Variants in SPATA13 observed in about 807,000 individuals in gnomAD.
SPATA13 encodes the protein spermatogenesis-associated protein 13.
SPATA13 carries 50 observed loss-of-function variants against 104.0 expected under a neutral mutation model. The observed-to-expected ratio is 0.48, with a 90% confidence interval of 0.38 to 0.61. SPATA13 has a LOEUF of 0.61. Among genes scored for constraint, SPATA13 ranks in the 20% least tolerant of loss-of-function variants. The probability of loss-of-function intolerance (pLI) is 0.00; values close to 1 mark genes in which losing one functional copy is unlikely to be tolerated. For synonymous variants in SPATA13, 606 were observed against 667.5 expected (o/e 0.91, Z 1.42); for missense variants, 1,524 against 1,690.6 (o/e 0.90, Z 1.73).
At chr13:23,986,223 T>A (rs1354802766) in intron 2 of SPATA13, among the ~76,000 whole-genome samples, 1 of 152,214 alleles carries the variant, frequency 6.6e-6, no homozygotes. Flanking sequence ...AAGGAAACTA[T>A]ATGCCAAATT....
At chr13:24,255,844 G>A (rs1873764712) in intron 4 of SPATA13, among the ~76,000 whole-genome samples, 1 of 152,192 alleles carries the variant, frequency 6.6e-6, no homozygotes, top group Non-Finnish European at 1.5e-5. Context: ...ATTGAGCTCA[G>A]CAAACCAGCT....
At chr13:24,060,213 T>C (rs563113552) in intron 3 of SPATA13, among the ~76,000 whole-genome samples, 1 of 152,264 alleles carries the variant, frequency 6.6e-6, no homozygotes, top group South Asian at 2.1e-4. Context: ...CAAAACAGCA[T>C]GGTACTGGTA....
At chr13:24,233,668 A>G (rs1872402827) in intron 2 of SPATA13, among the ~76,000 whole-genome samples, 1 of 152,198 alleles carries the variant, frequency 6.6e-6, no homozygotes, top group African/African-American at 2.4e-5. Context: ...GTTTATGCTC[A>G]TTATTACCTA....
At chr13:24,068,069 A>G (rs1566091555) in intron 3 of SPATA13, among the ~76,000 whole-genome samples, 2 of 152,172 alleles carry the variant, frequency 1.3e-5, no homozygotes, top group Non-Finnish European at 2.9e-5. Flanking sequence ...GTAAACTTGT[A>G]TCATGGGGGT....
rs186740262 is a variant in SPATA13, at chr13:24,110,895, G to A, written c.-112+93194G>A. 2.0e-4 allele frequency among the ~76,000 whole-genome samples: 30 copies of A among 152,222 alleles called. 1 individual carries two copies. The East Asian group carries it at 5.4e-3, about 27-fold the overall frequency. On this transcript the variant is annotated intron_variant, in intron 3 of 14. Transcript: ENST00000424834. Reference sequence around the variant, plus strand: ...TGAAATATGTTTGCACCATCTCTGCGCATAGCATATTCTTGATTATCTCTT... The same window carrying A: ...TGAAATATGTTTGCACCATCTCTGCACATAGCATATTCTTGATTATCTCTT...
At chr13:24,278,027 G>C (rs1875146122) in intron 4 of SPATA13, among the ~76,000 whole-genome samples, 1 of 152,204 alleles carries the variant, frequency 6.6e-6, no homozygotes, top group Admixed American at 6.5e-5. Flanking sequence ...GATACAACCA[G>C]AAAATGGAAT....
At chr13:24,052,377 A>AAAC (rs142122852) in intron 3 of SPATA13, among the ~76,000 whole-genome samples, 63,738 of 151,726 alleles carry the variant, frequency 0.42, 14,509 homozygotes, top group Non-Finnish European at 0.51. Flanking sequence ...CCATCGCTAC[A>AAAC]AACAAGAACA....
chr13:24,291,654 G>A (rs1235708528), intron 9 of SPATA13, among the ~76,000 whole-genome samples: 1 of 152,116 alleles, frequency 6.6e-6, no homozygotes, highest in Non-Finnish European at 1.5e-5. Flanking sequence ...GCCTGACTAA[G>A]CTCTTCTTGT....
intron 4 of SPATA13, among the ~76,000 whole-genome samples, chr13:24,261,342 T>C (rs538361044): frequency 2.6e-5 from 4 of 152,110 alleles, no homozygotes; most frequent in Non-Finnish European, 5.9e-5. Context: ...TGTTGGTCAA[T>C]TGGGGAGCTT....
At chr13:24,230,511 G>A (rs894879567) in intron 2 of SPATA13, among the ~76,000 whole-genome samples, 8 of 152,166 alleles carry the variant, frequency 5.3e-5, no homozygotes, top group Admixed American at 2.6e-4. Context: ...CGGGAAGAGT[G>A]TAGAACAGGA....
At chr13:24,024,466 A>C (rs1877118655) in intron 3 of SPATA13, among the ~76,000 whole-genome samples, 1 of 151,268 alleles carries the variant, frequency 6.6e-6, no homozygotes, top group Non-Finnish European at 1.5e-5. Flanking sequence ...GTCTAGTGAC[A>C]AGACCAACCA....
At chr13:24,211,495 A>G (rs1010145613) in intron 1 of SPATA13, among the ~76,000 whole-genome samples, 2 of 149,580 alleles carry the variant, frequency 1.3e-5, no homozygotes, top group African/African-American at 5.1e-5. Flanking sequence ...CTTTTTCTGT[A>G]TCTGTTGAGA....
intron 2 of SPATA13, among the ~76,000 whole-genome samples, chr13:23,995,151 A>C (rs148771049): frequency 1.3e-5 from 2 of 152,210 alleles, no homozygotes; most frequent in African/African-American, 2.4e-5. Flanking sequence ...GACATCCTTA[A>C]GAGCCTGAAG....
chr13:24,018,197 A>C (rs1355939420), intron 3 of SPATA13, among the ~76,000 whole-genome samples: 1 of 152,236 alleles, frequency 6.6e-6, no homozygotes, highest in African/African-American at 2.4e-5. Flanking sequence ...TTAGAGTTGA[A>C]CACATTTTAA....
At chr13:24,059,310 T>A (rs1473577817) in intron 3 of SPATA13, among the ~76,000 whole-genome samples, 1 of 151,530 alleles carries the variant, frequency 6.6e-6, no homozygotes, top group Non-Finnish European at 1.5e-5. Flanking sequence ...CCAGCACAAC[T>A]CTTGGGACTT....
At chr13:24,278,742 A>G (rs1409742378) in intron 4 of SPATA13, 1 of 1,593,264 alleles carries the variant, frequency 6.3e-7, no homozygotes, top group African/African-American at 1.4e-5. Context: ...AAAAACAAAG[A>G]AAGAAACTTG....
At chr13:24,213,464 G>A (rs771166721) in intron 1 of SPATA13, among the ~76,000 whole-genome samples, 1 of 151,346 alleles carries the variant, frequency 6.6e-6, no homozygotes, top group Non-Finnish European at 1.5e-5. Context: ...ACAGGGTTTC[G>A]CCATATTGGC....
At chr13:24,275,547 C>A (rs895731886) in intron 4 of SPATA13, among the ~76,000 whole-genome samples, 7 of 152,206 alleles carry the variant, frequency 4.6e-5, no homozygotes, top group African/African-American at 1.7e-4. Context: ...GCTCTGTCTG[C>A]TCTCATATTG....
At chr13:24,071,905 G>C (rs1282702341) in intron 3 of SPATA13, among the ~76,000 whole-genome samples, 1 of 152,214 alleles carries the variant, frequency 6.6e-6, no homozygotes, top group African/African-American at 2.4e-5. Flanking sequence ...TGACTCGAGT[G>C]CTCTAACAGC....
Sources: gnomAD v4.1 joint callset for allele counts (sites outside exome capture counted in the v4.1 genomes callset) on GRCh38, gnomAD v4.1.1 for gene constraint, MANE v1.5 for transcripts, NCBI Gene and HGNC (gene_info 2026-07-23, HGNC 2026-07-21) for gene names.